Variants in PPARG observed in about 807,000 individuals in gnomAD.
The protein encoded by PPARG is peroxisome proliferator-activated receptor gamma.
In PPARG, 17 loss-of-function variants were observed where a neutral mutation model predicts 39.2. That is an observed-to-expected ratio of 0.43 (90% CI 0.30 to 0.65). The LOEUF (loss-of-function observed/expected upper bound fraction) is 0.65. Ranked by LOEUF, PPARG falls within the 30% of genes least tolerant of loss-of-function variation. The pLI is 0.13. For missense variants in PPARG, 406 were observed against 585.9 expected (o/e 0.69, Z 3.17); for synonymous variants, 223 against 215.7 (o/e 1.03, Z -0.30).
At chr3:12,358,801 A>G (rs536627644) in intron 2 of PPARG, among the ~76,000 whole-genome samples, 12 of 152,246 alleles carry the variant, frequency 7.9e-5, no homozygotes, top group Non-Finnish European at 1.3e-4. Context: ...CAGTTAACTC[A>G]GGAGAAACCA....
At position 12,397,769 on chromosome 3, in the gene PPARG, T is replaced by C. The variant is rs558012362; in HGVS notation, c.529+5017T>C. ...TGTGTAAAGAAAAATTACCCAAATC[T>C]TAACTTTCAGAAAAGGTAACAAACT... On this transcript the variant is annotated intron_variant, in intron 5 of 7. Coordinates refer to ENST00000651735, the MANE Select transcript of PPARG (RefSeq NM_138711.6). Among the ~76,000 whole-genome samples, 8 of 152,180 alleles carry C rather than the reference T, an allele frequency of 5.3e-5. No homozygotes were observed. The East Asian group carries it at 1.5e-3, about 29-fold the overall frequency.
At chr3:12,329,607 A>G (rs1443972294) in intron 2 of PPARG, among the ~76,000 whole-genome samples, 1 of 152,080 alleles carries the variant, frequency 6.6e-6, no homozygotes, top group Non-Finnish European at 1.5e-5. Flanking sequence ...CAAGTTGCCC[A>G]TTCTATCATT....
intron 2 of PPARG, among the ~76,000 whole-genome samples, chr3:12,335,023 T>C (rs996516809): frequency 5.3e-5 from 8 of 152,198 alleles, no homozygotes; most frequent in East Asian, 1.9e-4. Flanking sequence ...GATTGCAAAA[T>C]TGGGAGTAAT....
chr3:12,417,302 C>A, intron 7 of PPARG, 148 bp downstream of exon 7: 1 of 848,486 alleles, frequency 1.2e-6, no homozygotes, highest in Non-Finnish European at 1.9e-6. Flanking sequence ...ACGTGCAAAA[C>A]ACTGTACCAA....
intron 2 of PPARG, chr3:12,372,134 T>G (rs2049240041): frequency 1.4e-6 from 1 of 719,194 alleles, no homozygotes; most frequent in Admixed American, 2.0e-5. Context: ...GTTGCCTAGC[T>G]GAACACATTT....
chr3:12,340,122 A>G (rs1453083476), intron 2 of PPARG, among the ~76,000 whole-genome samples: 3 of 152,200 alleles, frequency 2.0e-5, no homozygotes, highest in Non-Finnish European at 4.4e-5. Flanking sequence ...GGGCTATACA[A>G]TGGAACCATC....
chr3:12,414,585 T>C (rs370985226), intron 6 of PPARG, among the ~76,000 whole-genome samples: 45 of 152,300 alleles, frequency 3.0e-4, no homozygotes, highest in African/African-American at 9.9e-4. Context: ...TCATTATCCA[T>C]TCACATTTTT....
chr3:12,361,014 C>T (rs1189446809), intron 2 of PPARG, among the ~76,000 whole-genome samples: 1 of 152,150 alleles, frequency 6.6e-6, no homozygotes. Context: ...GAAATCTATA[C>T]TTCTACTAGA....
chr3:12,370,650 T>C (rs2049178876), intron 2 of PPARG, among the ~76,000 whole-genome samples: 1 of 152,240 alleles, frequency 6.6e-6, no homozygotes, highest in South Asian at 2.1e-4. Flanking sequence ...CTTTTTTCTC[T>C]CTTTTGTGTA....
At chr3:12,331,319 G>T (rs2047853438) in intron 2 of PPARG, among the ~76,000 whole-genome samples, 1 of 152,308 alleles carries the variant, frequency 6.6e-6, no homozygotes, top group African/African-American at 2.4e-5. Context: ...GCCGATAGTT[G>T]AAGAGTGAAT....
chr3:12,393,092 T>G (rs1432859486), intron 5 of PPARG, among the ~76,000 whole-genome samples: 3 of 152,148 alleles, frequency 2.0e-5, no homozygotes, highest in African/African-American at 7.2e-5. Context: ...AATTTACTTT[T>G]GTGTATCAGT....
chr3:12,402,390 G>C (rs961321857), intron 5 of PPARG, among the ~76,000 whole-genome samples: 6 of 152,126 alleles, frequency 3.9e-5, no homozygotes, highest in African/African-American at 1.4e-4. Flanking sequence ...AATGGACATA[G>C]TGTCTCATTT....
At chr3:12,331,186 C>T (rs1006101705) in intron 2 of PPARG, among the ~76,000 whole-genome samples, 11 of 152,114 alleles carry the variant, frequency 7.2e-5, no homozygotes, top group Non-Finnish European at 7.4e-5. Flanking sequence ...AGAAAAAGAA[C>T]AAGTATTAAC....
At chr3:12,299,211 A>G (rs549496610) in intron 1 of PPARG, among the ~76,000 whole-genome samples, 7 of 152,306 alleles carry the variant, frequency 4.6e-5, no homozygotes, top group Admixed American at 4.6e-4. Context: ...TGTTTCAGAT[A>G]AGGAGGATAA....
chr3:12,351,670 A>T, intron 2 of PPARG: 1 of 1,606,002 alleles, frequency 6.2e-7, no homozygotes, highest in Non-Finnish European at 8.5e-7. Flanking sequence ...CAAACATATC[A>T]CAAGGTAAAG....
intron 6 of PPARG, chr3:12,406,532 CTTTTTTTT>C (rs10540594): frequency 3.0e-4 from 18 of 60,492 alleles, no homozygotes; most frequent in Middle Eastern, 0.015. Flanking sequence ...AGAGTTACCT[CTTTTTTTT>C]TTTTTTTTTT....
chr3:12,346,451 G>A (rs2048329687), intron 2 of PPARG, among the ~76,000 whole-genome samples: 1 of 152,090 alleles, frequency 6.6e-6, no homozygotes, highest in Admixed American at 6.5e-5. Context: ...TGTGGAAAGG[G>A]CTTTTTCTGA....
At chr3:12,417,877 C>CTTTTTTTTTCTGTTTTTTTTTTT (rs2051116625) in intron 7 of PPARG, among the ~76,000 whole-genome samples, 1 of 64,652 alleles carries the variant, frequency 1.5e-5, no homozygotes, top group African/African-American at 4.7e-5. Flanking sequence ...TGACTTTTTT[C>CTTTTTTTTTCTGTTTTTTTTTTT]TTTTTTTTTT....
intron 2 of PPARG, among the ~76,000 whole-genome samples, chr3:12,366,941 A>G (rs952702252): frequency 2.6e-5 from 4 of 152,154 alleles, no homozygotes; most frequent in African/African-American, 9.7e-5. Context: ...CTCTGCTTTT[A>G]TATTCTGAAA....
Sources: allele counts gnomAD v4.1 joint callset (sites outside exome capture counted in the v4.1 genomes callset), GRCh38; gene constraint gnomAD v4.1.1; transcripts MANE v1.5; gene names NCBI Gene and HGNC (gene_info 2026-07-23, HGNC 2026-07-21).